Variants in ESRRG observed in about 807,000 individuals in gnomAD.
ESRRG encodes the protein estrogen related receptor gamma.
Under a neutral mutation model 44.0 loss-of-function variants are expected in ESRRG, and 13 were observed. The ratio of observed to expected loss-of-function variants is 0.30; its 90% CI spans 0.19 to 0.47. ESRRG has a LOEUF of 0.47. ESRRG is among the 20% of genes least tolerant of loss of function. The pLI, the probability that ESRRG is intolerant of heterozygous loss-of-function variation, is 1.00. For missense variants in ESRRG, 395 were observed against 580.6 expected, an observed-to-expected ratio of 0.68 and a Z score of 3.29; for synonymous variants, 215 against 214.6, an observed-to-expected ratio of 1.00 and a Z score of -0.02.
At chr1:216,946,032 CATTATTTA>C (rs2065999738) in intron 1 of ESRRG, among the ~76,000 whole-genome samples, 2 of 152,156 alleles carry the variant, frequency 1.3e-5, no homozygotes, top group African/African-American at 4.8e-5. Context: ...TGGAACAGCT[CATTATTTA>C]CTAAATGAAT....
At chr1:216,977,136 A>G (rs2073091889) in intron 1 of ESRRG, among the ~76,000 whole-genome samples, 1 of 152,080 alleles carries the variant, frequency 6.6e-6, no homozygotes, top group African/African-American at 2.4e-5. Flanking sequence ...GGAGCAAGTA[A>G]TTACATACTT....
chr1:216,734,015 T>G (rs1313947150), intron 2 of ESRRG, among the ~76,000 whole-genome samples: 1 of 148,148 alleles, frequency 6.8e-6, no homozygotes, highest in Admixed American at 6.7e-5. Flanking sequence ...AAAACTCACC[T>G]TCAAGTGTTC....
At position 216,833,558 on chromosome 1, in the gene ESRRG, C is replaced by T. The variant is rs11809310; in HGVS notation, c.-14+106024G>A. On this transcript the variant is annotated intron_variant, in intron 2 of 7. Transcript: ENST00000359162. ...TCGTTTCTGTGACAAATTTGACACA[C>T]AAAATTAGCCAATTAGTACCATCAT... Among the ~76,000 whole-genome samples the T allele has an allele frequency of 9.1e-3, 1,378 of 152,252 alleles. 23 individuals carry two copies. The highest frequency in any genetic ancestry group is 0.03 in the African/African-American group (1,254 of 41,550).
chr1:216,647,571 T>C (rs1413962623), intron 3 of ESRRG, among the ~76,000 whole-genome samples: 1 of 152,172 alleles, frequency 6.6e-6, no homozygotes, highest in African/African-American at 2.4e-5. Flanking sequence ...TGAGAAAGCA[T>C]ATCTTATAAG....
At chr1:216,631,933 A>G (rs912416788) in intron 3 of ESRRG, among the ~76,000 whole-genome samples, 2 of 152,100 alleles carry the variant, frequency 1.3e-5, no homozygotes, top group Non-Finnish European at 2.9e-5. Flanking sequence ...AGCCAGCAAG[A>G]ACTGTCACTC....
At chr1:216,882,934 G>GA (rs139900331) in intron 2 of ESRRG, among the ~76,000 whole-genome samples, 2,833 of 142,098 alleles carry the variant, frequency 0.02, 41 homozygotes, top group East Asian at 0.058. Context: ...ATCATTGTCT[G>GA]AAAAAAAAAA....
chr1:216,833,893 T>TC (rs1331491322), intron 2 of ESRRG, among the ~76,000 whole-genome samples: 1 of 152,152 alleles, frequency 6.6e-6, no homozygotes, highest in Non-Finnish European at 1.5e-5. Context: ...ACCCCAACTG[T>TC]CACTTATGGA....
At chr1:216,591,031 C>A (rs1274115008) in intron 3 of ESRRG, among the ~76,000 whole-genome samples, 2 of 152,016 alleles carry the variant, frequency 1.3e-5, no homozygotes, top group Non-Finnish European at 2.9e-5. Flanking sequence ...CTCCTAATGC[C>A]CTTGAAATTT....
chr1:216,571,487 GTATTATCAAATACATTCCATTACT>G (rs2060803444), intron 3 of ESRRG, among the ~76,000 whole-genome samples: 1 of 152,006 alleles, frequency 6.6e-6, no homozygotes, highest in East Asian at 1.9e-4. Context: ...CAAACAAAAA[GTATTATCAAATACATTCCATTACT>G]ATGCATTTCT....
intron 3 of ESRRG, among the ~76,000 whole-genome samples, chr1:216,618,604 C>T (rs762469796): frequency 5.3e-4 from 80 of 152,278 alleles, no homozygotes; most frequent in Admixed American, 9.2e-4. Context: ...AGTATTTATG[C>T]AAGTGGTAGC....
chr1:216,875,186 G>T (rs2149257454), intron 2 of ESRRG, among the ~76,000 whole-genome samples: 1 of 152,154 alleles, frequency 6.6e-6, no homozygotes, highest in South Asian at 2.1e-4. Context: ...CCTAATACGA[G>T]CCCTGAAAAA....
At chr1:216,912,315 A>G (rs7554655) in intron 2 of ESRRG, among the ~76,000 whole-genome samples, 34,300 of 92,344 alleles carry the variant, frequency 0.37, 9,141 homozygotes, top group Middle Eastern at 0.55. Context: ...AGGGAAGGAC[A>G]GAAGGAAGGA....
At chr1:216,559,698 G>A (rs2058338260) in intron 5 of ESRRG, among the ~76,000 whole-genome samples, 1 of 152,078 alleles carries the variant, frequency 6.6e-6, no homozygotes, top group East Asian at 1.9e-4. Context: ...ATCACTTAAT[G>A]GTGCTACTAT....
At chr1:217,070,841 G>A (rs192344844) in intron 1 of ESRRG, among the ~76,000 whole-genome samples, 7 of 152,214 alleles carry the variant, frequency 4.6e-5, no homozygotes, top group Admixed American at 1.3e-4. Context: ...CACTTGATTC[G>A]AAGGTAAAAT....
Position 217,121,369 on chromosome 1 carries a change from G to T in ESRRG, c.-230+16298C>A, listed in dbSNP as rs189966465. Among the ~76,000 whole-genome samples the T allele has an allele frequency of 3.3e-5, 5 of 152,122 alleles. No individual in the cohort carries two copies. In the East Asian group the frequency reaches 5.8e-4, roughly 18 times the overall value. On this transcript the variant is annotated intron_variant, in intron 1 of 8. Coordinates refer to the ESRRG transcript ENST00000366940. ...CTTTTGCCATGGGAAATCACTGAAGGGTTGTAAAAAGGGAGTAAAATGATG... is the reference window on the plus strand; with the variant it reads ...CTTTTGCCATGGGAAATCACTGAAGTGTTGTAAAAAGGGAGTAAAATGATG...
chr1:216,864,288 A>T (rs1277166679), intron 2 of ESRRG: 1 of 149,702 alleles, frequency 6.7e-6, no homozygotes, highest in African/African-American at 2.5e-5. Context: ...ATAGCTTTTG[A>T]TCACAATTTC....
intron 2 of ESRRG, among the ~76,000 whole-genome samples, chr1:216,835,157 A>G (rs112092914): frequency 2.1e-5 from 1 of 47,734 alleles, no homozygotes; most frequent in East Asian, 2.7e-4. Context: ...ACTGATAATC[A>G]GAGTTGAATC....
chr1:216,895,721 G>A (rs1297706438), intron 2 of ESRRG, among the ~76,000 whole-genome samples: 1 of 152,156 alleles, frequency 6.6e-6, no homozygotes, highest in Non-Finnish European at 1.5e-5. Context: ...ATGAAAATGT[G>A]AGTTACAGGA....
At position 216,910,425 on chromosome 1, in the gene ESRRG, C is replaced by T. The variant is rs141840278; in HGVS notation, c.-14+29157G>A. On this transcript the variant is annotated intron_variant, in intron 2 of 7. Coordinates refer to the ESRRG transcript ENST00000359162. ...CGCCGCTAATTGAAAGTGTTCAGTC[C>T]TTTCCATTCATTAGTTTTATTACAA... Among the ~76,000 whole-genome samples, 127 of 152,264 alleles carry T rather than the reference C, an allele frequency of 8.3e-4. 2 individuals are homozygous for T. In the East Asian group the frequency reaches 0.014, roughly 16 times the overall value.
Sources: allele counts gnomAD v4.1 joint callset (sites outside exome capture counted in the v4.1 genomes callset), GRCh38; gene constraint gnomAD v4.1.1; transcripts MANE v1.5; gene names NCBI Gene and HGNC (gene_info 2026-07-23, HGNC 2026-07-21).